Variants in KRT17 observed in about 807,000 individuals in gnomAD.
KRT17 encodes the protein keratin, type I cytoskeletal 17.
In KRT17, 29 loss-of-function variants were observed where a neutral mutation model predicts 45.6. That is an observed-to-expected ratio of 0.64 (90% CI 0.47 to 0.87). The LOEUF (loss-of-function observed/expected upper bound fraction) is 0.87, where lower values mean the gene tolerates loss of function less well. Among genes scored for constraint, KRT17 ranks in the 40% least tolerant of loss-of-function variants. The probability of loss-of-function intolerance (pLI) is 0.00; values close to 1 mark genes in which losing one functional copy is unlikely to be tolerated. For missense variants in KRT17, 536 were observed against 577.8 expected, an observed-to-expected ratio of 0.93 and a Z score of 0.74; for synonymous variants, 219 against 234.6, an observed-to-expected ratio of 0.93 and a Z score of 0.61.
chr17:41,620,236 G>A (rs1908490620), intron 7 of KRT17: 1 of 985,296 alleles, frequency 1.0e-6, no homozygotes, highest in Non-Finnish European at 1.2e-6. Context: ...AAGATCATGA[G>A]ACCATGTTCC....
intron 1 of KRT17, 54 bp downstream of exon 1, chr17:41,624,024 G>T: frequency 6.2e-7 from 1 of 1,610,736 alleles, no homozygotes; most frequent in Non-Finnish European, 8.5e-7. Context: ...CAAGGCAGGA[G>T]TTGGGGGGAA....
At chr17:41,620,505 C>T (rs1246053883) in intron 7 of KRT17, 31 bp downstream of exon 7, 1 of 1,611,794 alleles carries the variant, frequency 6.2e-7, no homozygotes, top group Non-Finnish European at 8.5e-7. Flanking sequence ...ATGCACCCAA[C>T]CCCCAGGGCC....
At chr17:41,619,901 T>C (rs1908481282) in intron 7 of KRT17, 10 of 985,376 alleles carry the variant, frequency 1.0e-5, no homozygotes, top group African/African-American at 1.7e-5. Flanking sequence ...TGGCCCTGTG[T>C]GAGTCTTGCC....
rs11553454 is a variant in KRT17 at position 41,624,277 on chromosome 17, C to T, written c.233G>A (p.Gly78Glu). 10 of 1,612,512 alleles carry T rather than the reference C, an allele frequency of 6.2e-6. No individual in the cohort carries two copies. In the East Asian group the frequency reaches 2.2e-4, roughly 36 times the overall value. Reference sequence around the variant, plus strand: ...GGCCTTCTCACCTCCAGCCAGCAGCCCATCAACACCCCCAAAGCTGCTGCC... The same window carrying T: ...GGCCTTCTCACCTCCAGCCAGCAGCTCATCAACACCCCCAAAGCTGCTGCC... ...GYGSSFGGVD[G>E]LLAGGEKATM... Residue 78 changes from glycine (G) to glutamate (E), a missense_variant, in exon 1 of 8, where the codon GGG becomes GAG. By Grantham distance (98) the Gly-to-Glu change is moderately conservative. Coordinates refer to ENST00000311208, the MANE Select transcript of KRT17 (RefSeq NM_000422.3).
At chr17:41,623,071 G>T in intron 1 of KRT17, 39 bp from the exon 2 acceptor site, 1 of 1,500,436 alleles carries the variant, frequency 6.7e-7, no homozygotes, top group South Asian at 1.1e-5. Context: ...TTGGATGGGG[G>T]TGGCTGAGCC....
intron 2 of KRT17, 132 bp downstream of exon 2, chr17:41,622,818 G>A: frequency 1.2e-6 from 1 of 813,852 alleles, no homozygotes; most frequent in South Asian, 1.4e-5. Context: ...AAGGAGTGGG[G>A]CTCCTAGGAC....
In KRT17 at chr17:41,621,579, G is replaced by A. The variant is rs1567748654; in HGVS notation, c.834+14C>T. 1.9e-6 allele frequency: 3 copies of A among 1,611,990 alleles called. No individual in the cohort carries two copies. Among genetic ancestry groups the A allele is most frequent in the Admixed American group, 1.7e-5 (1 of 60,026 alleles). The stretch of plus-strand genomic sequence containing the variant: ...AGCCCCTAAGAGAGCCCTCTGGCCT[G>A]CAGCACCCCCCACCTTGCTGAAGAA... On this transcript the variant is annotated intron_variant, in intron 4 of 7. Transcript: ENST00000311208.
chr17:41,622,458 A>G lies in KRT17; in HGVS notation c.569T>C (p.Leu190Pro). Residue 190 changes from leucine to proline, a missense_variant, in exon 3 of 8, where the codon CTG becomes CCG. Leu to Pro is a moderately conservative substitution (Grantham distance 98). Coordinates refer to ENST00000311208, the MANE Select transcript of KRT17 (RefSeq NM_000422.3). ...GGTCAGCTCATCCAGCACCCTGCGC[A>G]GGCCATTGATGTCGGCCTCCACACT... ...RLSVEADING[L>P]RRVLDELTLA... 1 of 1,614,084 alleles carries G rather than the reference A, an allele frequency of 6.2e-7. No individual in the cohort carries two copies. Among genetic ancestry groups the G allele is most frequent in the Non-Finnish European group, 8.5e-7 (1 of 1,180,046 alleles).
At chr17:41,622,259 T>C (rs1372346744) in intron 3 of KRT17, 96 bp downstream of exon 3, 8 of 1,511,014 alleles carry the variant, frequency 5.3e-6, no homozygotes, top group Non-Finnish European at 6.4e-6. Context: ...CCGGTGCACC[T>C]GCTCTGCTCT....
rs745704126 is a variant in KRT17 at position 41,619,682 on chromosome 17, G to C, written c.1211C>G (p.Thr404Ser). Residue 404 changes from threonine (T) to serine (S), a missense_variant, in exon 8 of 8, where the codon ACC becomes AGC. By Grantham distance (58) the Thr-to-Ser change is moderately conservative (BLOSUM62 1). Transcript: ENST00000311208. The stretch of plus-strand genomic sequence containing the variant: ...CACAATGGTACGCACCTGACGGGTG[G>C]TCACCGCTGCAGGAGAAGCAGGCAA... ...HLTQYKKEPV[T>S]TRQVRTIVEE... The C allele has an allele frequency of 6.2e-7, 1 of 1,612,210 alleles. No individual in the cohort carries two copies. Among genetic ancestry groups the C allele is most frequent in the South Asian group, 1.1e-5 (1 of 90,996 alleles).
intron 1 of KRT17, 143 bp from the exon 2 acceptor site, chr17:41,623,175 G>C (rs1329961273): frequency 5.8e-6 from 4 of 687,860 alleles, no homozygotes; most frequent in East Asian, 2.8e-5. Flanking sequence ...GCAGAGGAGG[G>C]GCAAACAGGA....
In KRT17 at chr17:41,621,106, C is replaced by T. The variant is rs1567748509; in HGVS notation, c.835-15G>A. Reference sequence around the variant, plus strand: ...AGTTCCTCTGTCTGCAGACAGGACACAGGACAGGGCGGTGTGAGCCTGGAT... The same window carrying T: ...AGTTCCTCTGTCTGCAGACAGGACATAGGACAGGGCGGTGTGAGCCTGGAT... On this transcript the variant is annotated splice_polypyrimidine_tract_variant and intron_variant, in intron 4 of 7. Coordinates refer to ENST00000311208, the MANE Select transcript of KRT17 (RefSeq NM_000422.3). 1 of 1,613,544 alleles carries T rather than the reference C, an allele frequency of 6.2e-7. No homozygotes were observed. The highest frequency in any genetic ancestry group is 8.5e-7 in the Non-Finnish European group (1 of 1,179,842).
At position 41,621,639 on chromosome 17, in the gene KRT17, A is replaced by G; in HGVS notation, c.788T>C (p.Met263Thr). 2 of 1,612,104 alleles carry G rather than the reference A, an allele frequency of 1.2e-6. No homozygotes were observed. Among genetic ancestry groups the G allele is most frequent in the Non-Finnish European group, 1.7e-6 (2 of 1,179,850 alleles). Residue 263 changes from methionine to threonine, a missense_variant, in exon 4 of 8, where the codon ATG (methionine) becomes ACG (threonine). Coordinates refer to ENST00000311208, the MANE Select transcript of KRT17 (RefSeq NM_000422.3). Reference sequence around the variant, plus strand: ...GGCATCCTTGCGGTTCTTCTCTGCCATCTTCTCATACTGGTCACGCATCTC... The same window carrying G: ...GGCATCCTTGCGGTTCTTCTCTGCCGTCTTCTCATACTGGTCACGCATCTC... ...LNEMRDQYEK[M>T]AEKNRKDAED...
chr17:41,620,461 T>C lies in KRT17; in HGVS notation c.1204+75A>G, dbSNP rs1016522302. On this transcript the variant is annotated intron_variant, in intron 7 of 7. Transcript: ENST00000311208. ...CAACTCCTGGAGCTCCTGGGGACCC[T>C]GCCCCAGCAACGTGCAGGTGGGCTG... 22 of 1,611,334 alleles carry C rather than the reference T, an allele frequency of 1.4e-5. No individual in the cohort carries two copies. In the African/African-American group the frequency reaches 1.9e-4, roughly 14 times the overall value.
rs769952554 is a variant in KRT17 at position 41,621,648 on chromosome 17, T to C, written c.779A>G (p.Tyr260Cys). Reference sequence around the variant, plus strand: ...GCGGTTCTTCTCTGCCATCTTCTCATACTGGTCACGCATCTCGTTGAGGAT... The same window carrying C: ...GCGGTTCTTCTCTGCCATCTTCTCACACTGGTCACGCATCTCGTTGAGGAT... ...SRILNEMRDQ[Y>C]EKMAEKNRKD... The change falls in exon 4 of 8, where the codon TAT (tyrosine) becomes TGT (cysteine). Residue 260 changes from tyrosine (Y) to cysteine (C), a missense_variant. By Grantham distance (194) the Tyr-to-Cys change is radical (BLOSUM62 -2). Coordinates refer to ENST00000311208, the MANE Select transcript of KRT17 (RefSeq NM_000422.3). 4 of 1,612,096 alleles carry C rather than the reference T, an allele frequency of 2.5e-6. No individual in the cohort carries two copies. The highest frequency in any genetic ancestry group is 2.5e-6 in the Non-Finnish European group (3 of 1,179,858).
At position 41,620,831 on chromosome 17, in the gene KRT17, C is replaced by A; in HGVS notation, c.1009G>T (p.Val337Leu). The change falls in exon 6 of 8, where the codon GTG (valine) becomes TTG (leucine). Residue 337 changes from valine (V) to leucine (L), a missense_variant. By Grantham distance (32) the Val-to-Leu change is conservative. Transcript: ENST00000311208. ...NLAETENRYC[V>L]QLSQIQGLIG... ...AGCCCCTGGATCTGGGACAGCTGCA[C>A]GCAGTAGCGGTTCTCTGTCTCCGCC... The A allele has an allele frequency of 6.2e-7, 1 of 1,613,642 alleles. No individual in the cohort carries two copies. The highest frequency in any genetic ancestry group is 1.1e-5 in the South Asian group (1 of 91,060).
At position 41,621,597 on chromosome 17, in the gene KRT17, C is replaced by A. The variant is rs1412487515; in HGVS notation, c.830G>T (p.Ser277Ile). ...CTGGCCTGCAGCACCCCCCACCTTGCTGAAGAACCAATCCTCGGCATCCTT... is the reference window on the plus strand; with the variant it reads ...CTGGCCTGCAGCACCCCCCACCTTGATGAAGAACCAATCCTCGGCATCCTT... ...NRKDAEDWFF[S>I]KTEELNREVA... The change falls in exon 4 of 8, where the codon AGC becomes ATC. Residue 277 changes from serine (S) to isoleucine (I), a missense_variant. Physicochemically the swap from Ser to Ile is moderately radical, Grantham distance 142. Coordinates refer to ENST00000311208, the MANE Select transcript of KRT17 (RefSeq NM_000422.3). 8.1e-6 allele frequency: 13 copies of A among 1,611,972 alleles called. No homozygotes were observed. Among genetic ancestry groups the A allele is most frequent in the Non-Finnish European group, 1.1e-5 (13 of 1,179,866 alleles).
In KRT17 at chr17:41,619,550, C is replaced by A; in HGVS notation, c.*44G>T. The A allele has an allele frequency of 6.2e-7, 1 of 1,611,586 alleles. No individual in the cohort carries two copies. The highest frequency in any genetic ancestry group is 8.5e-7 in the Non-Finnish European group (1 of 1,179,838). ...GGAGACTGTGGGGCAGATGGGGCGG[C>A]TGCCTCCCTGCCTCCTGGGTGGCCG... is the stretch of plus-strand genomic sequence containing the variant. On this transcript the variant is annotated 3_prime_UTR_variant, in exon 8 of 8. Coordinates refer to ENST00000311208, the MANE Select transcript of KRT17 (RefSeq NM_000422.3).
In KRT17 at chr17:41,619,505, G is replaced by C. The variant is rs1355096349; in HGVS notation, c.*89C>G. 6.2e-7 allele frequency: 1 copy of C among 1,608,638 alleles called. No individual in the cohort carries two copies. Among genetic ancestry groups the C allele is most frequent in the Non-Finnish European group, 8.5e-7 (1 of 1,177,962 alleles). ...AGCATGGGGAAGGGACTGAAGCAGG[G>C]GGCTGAGGCTGGAGAGGCCGGAGAC... is the stretch of plus-strand genomic sequence containing the variant. On this transcript the variant is annotated 3_prime_UTR_variant, in exon 8 of 8. Transcript: ENST00000311208.
Sources: gnomAD v4.1 joint callset for allele counts on GRCh38, gnomAD v4.1.1 for gene constraint, MANE v1.5 for transcripts, NCBI Gene and HGNC (gene_info 2026-07-23, HGNC 2026-07-21) for gene names.